Variants in ZZZ3 observed in about 807,000 individuals in gnomAD.
The protein encoded by ZZZ3 is zinc finger ZZ-type containing 3.
ZZZ3 carries 22 observed loss-of-function variants against 95.2 expected under a neutral mutation model. The ratio of observed to expected loss-of-function variants is 0.23; its 90% CI spans 0.17 to 0.33. ZZZ3 has a LOEUF of 0.33. Among genes scored for constraint, ZZZ3 ranks in the 10% least tolerant of loss-of-function variants. The pLI is 1.00. For synonymous variants in ZZZ3, 335 were observed against 358.9 expected, an observed-to-expected ratio of 0.93 and a Z score of 0.75; for missense variants, 885 against 1,066.5, an observed-to-expected ratio of 0.83 and a Z score of 2.37.
At chr1:77,581,957 T>G (rs760169233) in intron 7 of ZZZ3, 22 bp downstream of exon 7, 1 of 1,601,172 alleles carries the variant, frequency 6.2e-7, no homozygotes, top group Non-Finnish European at 8.5e-7. Flanking sequence ...TCTACTTAAA[T>G]TCTTATCATA....
intron 1 of ZZZ3, among the ~76,000 whole-genome samples, chr1:77,652,400 C>T (rs1333261514): frequency 6.6e-6 from 1 of 152,170 alleles, no homozygotes; most frequent in Admixed American, 6.5e-5. Context: ...CAGTGAGATA[C>T]TTCACACCCA....
chr1:77,563,968 T>C lies in ZZZ3; in HGVS notation c.*1672A>G, dbSNP rs1291196017. ...AATTCAGGGTATGATTTTAGTACCC[T>C]GCTATGTACTGAAGAGAACTAGTAA... On this transcript the variant is annotated 3_prime_UTR_variant, in exon 15 of 15. Transcript: ENST00000370801. 1 of 152,168 alleles carries C rather than the reference T, an allele frequency of 6.6e-6. No individual in the cohort carries two copies. Among genetic ancestry groups the C allele is most frequent in the Non-Finnish European group, 1.5e-5 (1 of 68,002 alleles). 9.4% of individuals were successfully genotyped at this position (152,168 alleles called of 1,614,324 possible). A position where few individuals can be genotyped will look rare whatever the true frequency, so the allele number is the denominator to read the frequency against.
intron 5 of ZZZ3, among the ~76,000 whole-genome samples, chr1:77,603,486 T>C (rs537993997): frequency 6.6e-6 from 1 of 152,318 alleles, no homozygotes; most frequent in South Asian, 2.1e-4. Context: ...CTCTTCCACC[T>C]GCAAAAGTAG....
chr1:77,656,203 A>G (rs1400163649), intron 1 of ZZZ3, among the ~76,000 whole-genome samples: 1 of 152,232 alleles, frequency 6.6e-6, no homozygotes, highest in African/African-American at 2.4e-5. Flanking sequence ...GAAAATGCTT[A>G]CAAAAAATTT....
chr1:77,608,194 T>C (rs114693226), intron 5 of ZZZ3, among the ~76,000 whole-genome samples: 2,342 of 152,216 alleles, frequency 0.015, 28 homozygotes, highest in Non-Finnish European at 0.025. Flanking sequence ...CAAAGAAAAC[T>C]ACCTCAAGTC....
intron 1 of ZZZ3, among the ~76,000 whole-genome samples, chr1:77,650,557 A>G (rs1669709028): frequency 6.6e-6 from 1 of 152,146 alleles, no homozygotes; most frequent in Non-Finnish European, 1.5e-5. Context: ...GCATATCAAA[A>G]TCTCTGGGGA....
chr1:77,602,484 T>C (rs1664823700), intron 5 of ZZZ3, among the ~76,000 whole-genome samples: 1 of 152,012 alleles, frequency 6.6e-6, no homozygotes, highest in African/African-American at 2.4e-5. Context: ...AGCACTGAAA[T>C]ATTATACTTG....
At position 77,632,243 on chromosome 1, in the gene ZZZ3, G is replaced by C. The variant is rs1364796135; in HGVS notation, c.1112C>G (p.Pro371Arg). 1 of 1,613,888 alleles carries C rather than the reference G, an allele frequency of 6.2e-7. No individual in the cohort carries two copies. The highest frequency in any genetic ancestry group is 8.5e-7 in the Non-Finnish European group (1 of 1,180,012). Residue 371 changes from proline to arginine, a missense_variant, in exon 5 of 15, where the codon CCT (proline) becomes CGT (arginine). By Grantham distance (103) the Pro-to-Arg change is moderately radical. Coordinates refer to ENST00000370801, the MANE Select transcript of ZZZ3 (RefSeq NM_015534.6). ...TCTCAGAGTATAACGATGTTCTTGA[G>C]GTTCTGATAAAGACATCATTTGAGC... ...VSAQMMSLSE[P>R]QEHRYTLRTS... is the part of the protein sequence containing the mutation.
intron 13 of ZZZ3, among the ~76,000 whole-genome samples, chr1:77,567,877 C>G (rs1469857560): frequency 6.6e-6 from 1 of 152,124 alleles, no homozygotes; most frequent in Non-Finnish European, 1.5e-5. Flanking sequence ...CACATTTTAC[C>G]TCAATTGATA....
chr1:77,665,534 A>G (rs1671170182), intron 1 of ZZZ3, among the ~76,000 whole-genome samples: 4 of 152,198 alleles, frequency 2.6e-5, no homozygotes, highest in Admixed American at 1.3e-4. Flanking sequence ...TTAAGTTCCT[A>G]TAGACAATGA....
intron 12 of ZZZ3, among the ~76,000 whole-genome samples, chr1:77,573,511 C>T (rs573876329): frequency 3.6e-4 from 55 of 152,300 alleles, no homozygotes; most frequent in Middle Eastern, 3.4e-3. Context: ...AAAGATCAGA[C>T]ATATTTTGTT....
At chr1:77,626,586 T>C (rs901431087) in intron 5 of ZZZ3, among the ~76,000 whole-genome samples, 1 of 152,150 alleles carries the variant, frequency 6.6e-6, no homozygotes, top group Non-Finnish European at 1.5e-5. Context: ...GGAGGTGCTG[T>C]TCACCTCCTG....
chr1:77,611,902 C>T (rs1261214996), intron 5 of ZZZ3, among the ~76,000 whole-genome samples: 2 of 151,860 alleles, frequency 1.3e-5, no homozygotes, highest in South Asian at 4.1e-4. Flanking sequence ...GAAAGTTCCT[C>T]AACATTGGTG....
chr1:77,659,883 A>G (rs1412185359), intron 1 of ZZZ3, among the ~76,000 whole-genome samples: 1 of 152,086 alleles, frequency 6.6e-6, no homozygotes, highest in Non-Finnish European at 1.5e-5. Flanking sequence ...CCCAGGCTAG[A>G]GGGCAGTGGC....
At chr1:77,575,982 A>G (rs1661896074) in intron 12 of ZZZ3, 86 bp downstream of exon 12, 1 of 1,140,984 alleles carries the variant, frequency 8.8e-7, no homozygotes, top group Non-Finnish European at 1.2e-6. Context: ...AAAGAAACCA[A>G]CATTCTCTGA....
intron 4 of ZZZ3, among the ~76,000 whole-genome samples, chr1:77,634,554 C>T (rs1160622297): frequency 1.3e-5 from 2 of 152,108 alleles, no homozygotes; most frequent in African/African-American, 4.8e-5. Context: ...GGGGAAGAAG[C>T]CTCTGAAGCA....
At chr1:77,666,578 G>A (rs929499433) in intron 1 of ZZZ3, among the ~76,000 whole-genome samples, 3 of 152,120 alleles carry the variant, frequency 2.0e-5, no homozygotes, top group Non-Finnish European at 4.4e-5. Context: ...CTAAACGTGT[G>A]TGTCCCCATT....
chr1:77,644,765 G>A (rs1288794718), intron 1 of ZZZ3, among the ~76,000 whole-genome samples: 1 of 152,190 alleles, frequency 6.6e-6, no homozygotes, highest in African/African-American at 2.4e-5. Context: ...ATTTTAGTGT[G>A]TCTAAGAAAT....
At chr1:77,682,428 T>C (rs1275237980) in intron 1 of ZZZ3, among the ~76,000 whole-genome samples, 157 bp downstream of exon 1, 1 of 152,060 alleles carries the variant, frequency 6.6e-6, no homozygotes, top group African/African-American at 2.4e-5. Context: ...GAGGGGTGCA[T>C]ATGCTTTTGC....
Sources: gnomAD v4.1 joint callset for allele counts (sites outside exome capture counted in the v4.1 genomes callset) on GRCh38, gnomAD v4.1.1 for gene constraint, MANE v1.5 for transcripts, NCBI Gene and HGNC (gene_info 2026-07-23, HGNC 2026-07-21) for gene names.